STK32B: variants seen among roughly 807,000 people sequenced by gnomAD.
STK32B encodes serine/threonine kinase 32B.
In STK32B, 43 loss-of-function variants were observed where a neutral mutation model predicts 52.6. That is an observed-to-expected ratio of 0.82 (90% CI 0.64 to 1.05). The LOEUF (loss-of-function observed/expected upper bound fraction) is 1.05, where lower values mean the gene tolerates loss of function less well. Among genes scored for constraint, STK32B ranks in the 50% least tolerant of loss-of-function variants. STK32B has a pLI of 0.00. For missense variants in STK32B, 621 were observed against 534.6 expected (o/e 1.16, Z -1.59); for synonymous variants, 238 against 204.3 (o/e 1.17, Z -1.41).
intron 7 of STK32B, among the ~76,000 whole-genome samples, chr4:5,452,130 C>T (rs1395721606): frequency 6.6e-6 from 1 of 152,170 alleles, no homozygotes; most frequent in Non-Finnish European, 1.5e-5. Context: ...TCTTGGTGCC[C>T]ACTCCATGGG....
In STK32B at chr4:5,179,887, G is replaced by A. The variant is rs115905449; in HGVS notation, c.260+11437G>A. Among the ~76,000 whole-genome samples, 1,458 of 152,260 alleles carry A rather than the reference G, an allele frequency of 9.6e-3. 24 individuals carry two copies. Among genetic ancestry groups the A allele is most frequent in the African/African-American group, 0.033 (1,377 of 41,544 alleles). The stretch of plus-strand genomic sequence containing the variant: ...GCCACGAGTCACATTGAGCCCTGGC[G>A]GGTCCCATTTCTCCTGCCAGCTGAA... On this transcript the variant is annotated intron_variant, in intron 3 of 11. Transcript: ENST00000282908.
intron 3 of STK32B, among the ~76,000 whole-genome samples, chr4:5,249,395 G>C (rs1283181301): frequency 6.6e-6 from 1 of 151,852 alleles, no homozygotes; most frequent in African/African-American, 2.4e-5. Flanking sequence ...TTATGACAAG[G>C]GATCTGATGT....
chr4:5,425,676 T>C (rs746556012), intron 6 of STK32B, among the ~76,000 whole-genome samples: 26 of 152,174 alleles, frequency 1.7e-4, no homozygotes, highest in Admixed American at 8.5e-4. Flanking sequence ...TTTCATGCAG[T>C]AAAATGTACT....
chr4:5,159,834 G>A lies in STK32B; in HGVS notation c.109-8465G>A, dbSNP rs191537871. ...ATGTTATTGGAGTTTGATTGATTTCGTTGATAAGATGATTATGGAAGCTGC... is the reference window on the plus strand; with the variant it reads ...ATGTTATTGGAGTTTGATTGATTTCATTGATAAGATGATTATGGAAGCTGC... On this transcript the variant is annotated intron_variant, in intron 2 of 11. Transcript: ENST00000282908. Among the ~76,000 whole-genome samples the A allele has an allele frequency of 1.2e-4, 18 of 150,006 alleles. No individual in the cohort carries two copies. In the South Asian group the frequency reaches 1.3e-3, roughly 11 times the overall value.
Position 5,197,077 on chromosome 4 carries a change from C to T in STK32B, c.260+28627C>T, listed in dbSNP as rs115079303. On this transcript the variant is annotated intron_variant, in intron 3 of 11. Coordinates refer to ENST00000282908, the MANE Select transcript of STK32B (RefSeq NM_018401.3). ...CAGGTCTTTGGGCCCAAGAGCTGTA[C>T]CAAATTGGGACTCAGAAACTCAGAT... is the stretch of plus-strand genomic sequence containing the variant. Among the ~76,000 whole-genome samples the T allele has an allele frequency of 6.6e-3, 1,004 of 152,206 alleles. 14 individuals carry two copies. Among genetic ancestry groups the T allele is most frequent in the African/African-American group, 0.023 (940 of 41,528 alleles).
chr4:5,148,028 G>C (rs967212972), intron 2 of STK32B, among the ~76,000 whole-genome samples: 2 of 151,882 alleles, frequency 1.3e-5, no homozygotes, highest in Admixed American at 1.3e-4. Flanking sequence ...TCTGGGTATA[G>C]AGTTTTCTTT....
intron 2 of STK32B, among the ~76,000 whole-genome samples, chr4:5,152,428 T>G (rs57567385): frequency 0.021 from 3,177 of 152,314 alleles, 104 homozygotes; most frequent in African/African-American, 0.072. Context: ...AGAAGTTGAT[T>G]TTGAGAGAAA....
chr4:5,257,093 GAAT>G (rs1162014561), intron 3 of STK32B, among the ~76,000 whole-genome samples: 2 of 152,214 alleles, frequency 1.3e-5, no homozygotes, highest in African/African-American at 4.8e-5. Flanking sequence ...GTGAATGAAT[GAAT>G]GAGTGAGTGA....
intron 4 of STK32B, among the ~76,000 whole-genome samples, chr4:5,375,808 C>T (rs1482963874): frequency 6.6e-6 from 1 of 152,046 alleles, no homozygotes; most frequent in African/African-American, 2.4e-5. Flanking sequence ...CAGTCTGGGG[C>T]GGGGAGTGCT....
intron 1 of STK32B, among the ~76,000 whole-genome samples, chr4:5,138,582 C>CT (rs1716218508): frequency 6.6e-6 from 1 of 152,160 alleles, no homozygotes; most frequent in Admixed American, 6.5e-5. Flanking sequence ...GTACTAAACA[C>CT]TGTGCTGAGT....
At position 5,316,454 on chromosome 4, in the gene STK32B, AATAT is replaced by A. The variant is rs1730764143; in HGVS notation, c.261-14762_261-14759del. On this transcript the variant is annotated intron_variant, in intron 3 of 11. Transcript: ENST00000282908. Reference sequence around the variant, plus strand: ...AATATATAATATATATTACATATATAATATATAATATATATTACATATATAATAT... The same window carrying A: ...AATATATAATATATATTACATATATAATAATATATATTACATATATAATAT... Among the ~76,000 whole-genome samples the A allele has an allele frequency of 2.2e-4, 2 of 9,090 alleles. 1 individual carries two copies. Among genetic ancestry groups the A allele is most frequent in the African/African-American group, 4.7e-3 (2 of 430 alleles). The allele number at this position is 9,090 out of a possible 152,430, so 6.0% of individuals were successfully genotyped here. A position where few individuals can be genotyped will look rare whatever the true frequency, so the allele number is the denominator to read the frequency against.
At chr4:5,264,974 G>A (rs1474814265) in intron 3 of STK32B, among the ~76,000 whole-genome samples, 1 of 151,976 alleles carries the variant, frequency 6.6e-6, no homozygotes, top group Admixed American at 6.6e-5. Context: ...TCTTCTTTAT[G>A]TTCATTGCTT....
chr4:5,131,541 G>A (rs972233701), intron 1 of STK32B, among the ~76,000 whole-genome samples: 3 of 152,138 alleles, frequency 2.0e-5, no homozygotes, highest in African/African-American at 7.2e-5. Context: ...AGCCCTGCAT[G>A]GCCAGCTCAT....
intron 3 of STK32B, among the ~76,000 whole-genome samples, chr4:5,248,891 C>T (rs1725666297): frequency 6.8e-6 from 1 of 147,238 alleles, no homozygotes; most frequent in Non-Finnish European, 1.5e-5. Context: ...CACTTGGACG[C>T]AGGAAGGGGA....
Position 5,414,030 on chromosome 4 carries a change from T to G in STK32B, c.473-2815T>G, listed in dbSNP as rs1711938200. Among the ~76,000 whole-genome samples, 3 of 152,198 alleles carry G rather than the reference T, an allele frequency of 2.0e-5. No individual in the cohort carries two copies. In the South Asian group the frequency reaches 6.2e-4, roughly 32 times the overall value. ...ATATTCAGGAATTCTTGTCACATAT[T>G]CTATAGTAACAAGACAAACAATTAA... is the stretch of plus-strand genomic sequence containing the variant. On this transcript the variant is annotated intron_variant, in intron 5 of 11. Coordinates refer to ENST00000282908, the MANE Select transcript of STK32B (RefSeq NM_018401.3).
At chr4:5,075,811 A>C (rs1207374494) in intron 1 of STK32B, among the ~76,000 whole-genome samples, 1 of 152,260 alleles carries the variant, frequency 6.6e-6, no homozygotes, top group East Asian at 1.9e-4. Flanking sequence ...TGTCATATAA[A>C]TATTCTCCTG....
At chr4:5,477,264 G>T (rs1318165973) in intron 11 of STK32B, among the ~76,000 whole-genome samples, 3 of 151,994 alleles carry the variant, frequency 2.0e-5, no homozygotes, top group Non-Finnish European at 4.4e-5. Flanking sequence ...TTCTCTTATG[G>T]GTCCTTAAAG....
chr4:5,163,831 T>C (rs1407940396), intron 2 of STK32B, among the ~76,000 whole-genome samples: 2 of 152,182 alleles, frequency 1.3e-5, no homozygotes. Flanking sequence ...GAAATCACTG[T>C]ATTTACAGGG....
At chr4:5,110,752 A>G (rs1383342926) in intron 1 of STK32B, among the ~76,000 whole-genome samples, 1 of 152,162 alleles carries the variant, frequency 6.6e-6, no homozygotes, top group African/African-American at 2.4e-5. Context: ...AAACAAAAAA[A>G]TAGACAAATG....
Sources: gnomAD v4.1 joint callset for allele counts (sites outside exome capture counted in the v4.1 genomes callset) on GRCh38, gnomAD v4.1.1 for gene constraint, MANE v1.5 for transcripts, NCBI Gene and HGNC (gene_info 2026-07-23, HGNC 2026-07-21) for gene names.